Variants in PIGN observed in about 807,000 individuals in gnomAD.
The protein encoded by PIGN is phosphatidylinositol glycan anchor biosynthesis class N, also known as GPI ethanolamine phosphate transferase 1.
A neutral mutation model predicts 125.4 loss-of-function variants in PIGN; 117 were observed. The ratio of observed to expected loss-of-function variants is 0.93; its 90% confidence interval spans 0.80 to 1.09. PIGN has a LOEUF of 1.09. PIGN is among the 50% of genes least tolerant of loss of function. PIGN has a pLI of 0.00. For missense variants in PIGN, 1,075 were observed against 1,094.9 expected (o/e 0.98, Z 0.26); for synonymous variants, 392 against 377.8 (o/e 1.04, Z -0.44).
intron 23 of PIGN, among the ~76,000 whole-genome samples, chr18:62,033,547 T>G (rs2030220857): frequency 6.6e-6 from 1 of 152,240 alleles, no homozygotes; most frequent in Non-Finnish European, 1.5e-5. Flanking sequence ...TACAAACATG[T>G]GATCAATGGA....
intron 28 of PIGN, among the ~76,000 whole-genome samples, chr18:62,082,335 TC>T (rs1848302148): frequency 6.6e-6 from 1 of 152,146 alleles, no homozygotes; most frequent in Admixed American, 6.5e-5. Flanking sequence ...AGTTAGAGTA[TC>T]TTTTGCTTTT....
intron 6 of PIGN, 39 bp downstream of exon 6, chr18:62,157,090 C>T (rs1399597257): frequency 1.0e-6 from 1 of 986,820 alleles, no homozygotes; most frequent in Admixed American, 2.1e-5. Context: ...GACTTACTCC[C>T]TATTTACTAT....
intron 30 of PIGN, among the ~76,000 whole-genome samples, chr18:62,057,607 T>C (rs72946064): frequency 9.8e-5 from 15 of 152,348 alleles, no homozygotes; most frequent in Non-Finnish European, 2.1e-4. Context: ...GTGGCCAGTG[T>C]TATGTCAAAA....
intron 23 of PIGN, among the ~76,000 whole-genome samples, chr18:62,032,159 C>T (rs1186154433): frequency 6.6e-6 from 1 of 152,210 alleles, no homozygotes; most frequent in Non-Finnish European, 1.5e-5. Context: ...ATTGTATCTG[C>T]AGCGACTCCT....
chr18:62,061,511 CAAAAAAAAAAAAA>C (rs373391589), intron 30 of PIGN, among the ~76,000 whole-genome samples: 1 of 33,212 alleles, frequency 3.0e-5, no homozygotes, highest in Non-Finnish European at 7.3e-5. Flanking sequence ...GACTCCGTCT[CAAAAAAAAAAAAA>C]AAAAAAAAAA....
At chr18:62,054,843 A>G (rs922530032) in intron 30 of PIGN, among the ~76,000 whole-genome samples, 2 of 152,170 alleles carry the variant, frequency 1.3e-5, no homozygotes, top group Admixed American at 6.5e-5. Flanking sequence ...TCAAAACTCA[A>G]CAGTAAAAAA....
intron 6 of PIGN, among the ~76,000 whole-genome samples, chr18:62,155,733 T>C (rs973713172): frequency 6.5e-5 from 8 of 123,164 alleles, no homozygotes; most frequent in African/African-American, 2.3e-4. Context: ...TATGGAACAT[T>C]AGACTATCTC....
intron 12 of PIGN, among the ~76,000 whole-genome samples, chr18:62,139,885 AGGTTATTACAAGGCT>A (rs1429391303): frequency 6.6e-6 from 1 of 152,204 alleles, no homozygotes; most frequent in African/African-American, 2.4e-5. Context: ...TCCTGGTTCC[AGGTTATTACAAGGCT>A]GGTTTTCAAG....
intron 26 of PIGN, among the ~76,000 whole-genome samples, chr18:62,084,840 GCTC>G (rs2033618092): frequency 1.3e-5 from 2 of 152,336 alleles, no homozygotes; most frequent in Admixed American, 1.3e-4. Context: ...GGGTGCCGTG[GCTC>G]ACGCCTGTAA....
At chr18:62,031,957 G>A (rs539685638) in intron 23 of PIGN, among the ~76,000 whole-genome samples, 38 of 152,248 alleles carry the variant, frequency 2.5e-4, no homozygotes, top group African/African-American at 9.1e-4. Context: ...TCTCGGGGTG[G>A]ATCCTTCCTT....
chr18:62,050,777 T>C (rs1356387978), intron 30 of PIGN, among the ~76,000 whole-genome samples: 20 of 152,206 alleles, frequency 1.3e-4, no homozygotes, highest in Admixed American at 3.9e-4. Context: ...CTGTCTTGTG[T>C]CAGTTTTCAA....
downstream of PIGN, among the ~76,000 whole-genome samples, chr18:62,038,527 T>G (rs2030292656): frequency 6.6e-6 from 1 of 152,110 alleles, no homozygotes; most frequent in South Asian, 2.1e-4. Flanking sequence ...CATAAAAAAT[T>G]TTTGGCTCCT....
chr18:62,178,713 T>A (rs2147943757), intron 1 of PIGN, among the ~76,000 whole-genome samples: 1 of 152,316 alleles, frequency 6.6e-6, no homozygotes, highest in East Asian at 1.9e-4. Flanking sequence ...GTTCATTTGC[T>A]TATTATTCTG....
intron 1 of PIGN, among the ~76,000 whole-genome samples, chr18:62,176,145 T>G (rs1254286637): frequency 6.6e-6 from 1 of 152,142 alleles, no homozygotes; most frequent in Non-Finnish European, 1.5e-5. Context: ...AGAATATAAT[T>G]GATAATTTTC....
rs368936392 is a variant in PIGN at position 62,109,994 on chromosome 18, T to C, written c.1435-21A>G. ...GGTTTCTGAAAAATCAAACAAAACA[T>C]TGAAACACTTCCAAACCAATGGTAA... On this transcript the variant is annotated intron_variant, in intron 16 of 30. Transcript: ENST00000640252. The C allele has an allele frequency of 3.7e-6, 6 of 1,611,626 alleles. No individual in the cohort carries two copies. The African/African-American group carries it at 4.0e-5, about 11-fold the overall frequency.
intron 14 of PIGN, among the ~76,000 whole-genome samples, chr18:62,117,856 T>C (rs1284259200): frequency 6.6e-6 from 1 of 152,144 alleles, no homozygotes; most frequent in Non-Finnish European, 1.5e-5. Flanking sequence ...CTTAACATAA[T>C]GATCTCCAGT....
intron 17 of PIGN, among the ~76,000 whole-genome samples, chr18:62,108,902 T>A (rs1049845677): frequency 1.3e-5 from 2 of 152,196 alleles, no homozygotes; most frequent in Middle Eastern, 3.2e-3. Flanking sequence ...CCGAAATATT[T>A]TTAATACATC....
Position 62,063,585 on chromosome 18 carries a change from G to A in PIGN, c.2672+9088C>T, listed in dbSNP as rs184447261. The stretch of plus-strand genomic sequence containing the variant: ...TCTATGGCTTTACTCATGTCCATCT[G>A]TCTGTCTAAAATAGTCTTCCCAAAC... On this transcript the variant is annotated intron_variant, in intron 30 of 30. Coordinates refer to ENST00000640252, the MANE Select transcript of PIGN (RefSeq NM_176787.5). Among the ~76,000 whole-genome samples the A allele has an allele frequency of 1.9e-3, 282 of 150,466 alleles. 1 individual carries two copies. The highest frequency in any genetic ancestry group is 6.2e-3 in the African/African-American group (257 of 41,184).
chr18:62,180,678 G>C (rs1169684132), intron 1 of PIGN, among the ~76,000 whole-genome samples: 1 of 152,024 alleles, frequency 6.6e-6, no homozygotes. Flanking sequence ...TGATCAGATA[G>C]GATTAGGGTT....
Sources: allele counts gnomAD v4.1 joint callset (sites outside exome capture counted in the v4.1 genomes callset), GRCh38; gene constraint gnomAD v4.1.1; transcripts MANE v1.5; gene names NCBI Gene and HGNC (gene_info 2026-07-23, HGNC 2026-07-21).